Variants in ANTXR2 observed in about 807,000 individuals in gnomAD.
The protein encoded by ANTXR2 is ANTXR cell adhesion molecule 2, also known as anthrax toxin receptor 2.
A neutral mutation model predicts 73.7 loss-of-function variants in ANTXR2; 44 were observed. The ratio of observed to expected loss-of-function variants is 0.60; its 90% CI spans 0.47 to 0.77. The LOEUF is 0.77. ANTXR2 is among the 30% of genes least tolerant of loss of function. The pLI, the probability that ANTXR2 is intolerant of heterozygous loss-of-function variation, is 0.00. For synonymous variants in ANTXR2, 217 were observed against 205.9 expected (o/e 1.05, Z -0.46); for missense variants, 604 against 592.5 (o/e 1.02, Z -0.20).
chr4:79,985,030 G>GT (rs1481685957), intron 12 of ANTXR2, among the ~76,000 whole-genome samples, 167 bp from the exon 13 acceptor site: 1 of 152,048 alleles, frequency 6.6e-6, no homozygotes, highest in Non-Finnish European at 1.5e-5. Context: ...TGGATTGCCT[G>GT]TAACTAGCTT....
At chr4:80,067,542 T>A (rs910540296) in intron 3 of ANTXR2, among the ~76,000 whole-genome samples, 2 of 152,200 alleles carry the variant, frequency 1.3e-5, no homozygotes, top group African/African-American at 2.4e-5. Context: ...TTTTTCTGGA[T>A]TGGCTAGATA....
chr4:79,948,122 G>A (rs1017274945), intron 16 of ANTXR2, among the ~76,000 whole-genome samples: 1 of 152,060 alleles, frequency 6.6e-6, no homozygotes, highest in African/African-American at 2.4e-5. Flanking sequence ...GAGTACATTA[G>A]GACTGAGTGC....
intron 16 of ANTXR2, 175 bp downstream of exon 16, chr4:79,977,446 C>A: frequency 7.8e-7 from 1 of 1,274,260 alleles, no homozygotes; most frequent in Non-Finnish European, 1.0e-6. Context: ...TTTGAAGATG[C>A]ATTCTAACAA....
chr4:79,974,331 GA>G (rs1279335317), intron 16 of ANTXR2, among the ~76,000 whole-genome samples: 1 of 152,008 alleles, frequency 6.6e-6, no homozygotes, highest in African/African-American at 2.4e-5. Context: ...TGTATCTGAT[GA>G]AAAAAACAAA....
chr4:79,926,429 C>G (rs1310594988), intron 16 of ANTXR2, among the ~76,000 whole-genome samples: 1 of 152,148 alleles, frequency 6.6e-6, no homozygotes, highest in East Asian at 1.9e-4. Flanking sequence ...GTTGTGTTAG[C>G]TTACATGGGT....
chr4:80,050,971 T>C (rs192941760), intron 7 of ANTXR2, among the ~76,000 whole-genome samples: 23 of 151,722 alleles, frequency 1.5e-4, no homozygotes. Flanking sequence ...TACCCGTCAA[T>C]GTTTATCCCC....
chr4:79,983,288 T>C (rs911835223), intron 14 of ANTXR2, among the ~76,000 whole-genome samples: 2 of 152,124 alleles, frequency 1.3e-5, no homozygotes, highest in African/African-American at 4.8e-5. Flanking sequence ...TTCATGGTGA[T>C]AATAAAATCT....
In ANTXR2 at chr4:79,903,967, C is replaced by T. The variant is rs999308557; in HGVS notation, c.*3462G>A. On this transcript the variant is annotated 3_prime_UTR_variant, in exon 17 of 17. Transcript: ENST00000403729. ...AAAGCTAACCAATATACAATATATG[C>T]ATGGAGTAGGAAGTTATAATTCCTT... is the stretch of plus-strand genomic sequence containing the variant. 3 of 152,110 alleles carry T rather than the reference C, an allele frequency of 2.0e-5. No homozygotes were observed. The highest frequency in any genetic ancestry group is 4.4e-5 in the Non-Finnish European group (3 of 67,994). The allele number at this position is 152,110 out of a possible 1,614,324, so 9.4% of individuals were successfully genotyped here. A position where few individuals can be genotyped will look rare whatever the true frequency, so the allele number is the denominator to read the frequency against.
rs10027070 is a variant in ANTXR2 at position 79,907,514 on chromosome 4, A to T, written c.1429-47T>A. The T allele has an allele frequency of 0.41, 650,829 of 1,573,284 alleles. 141,659 individuals are homozygous for T. Among genetic ancestry groups the T allele is most frequent in the Non-Finnish European group, 0.45 (515,445 of 1,144,908 alleles). On this transcript the variant is annotated intron_variant, in intron 16 of 16. Transcript: ENST00000403729. ...TATTGAAATATTGAAGCCATTATTT[A>T]AAAAAGCATGAGAACATCTAGTTTT...
Position 79,998,743 on chromosome 4 carries a change from A to G in ANTXR2, c.1041+9778T>C, listed in dbSNP as rs540169519. 2.0e-5 allele frequency among the ~76,000 whole-genome samples: 3 copies of G among 152,142 alleles called. No homozygotes were observed. The East Asian group carries it at 5.8e-4, about 29-fold the overall frequency. ...AGGATGGATATGAGGAAGGATACTCAATGAACAGGATACAGACTCTTAAAC... is the reference window on the plus strand; with the variant it reads ...AGGATGGATATGAGGAAGGATACTCGATGAACAGGATACAGACTCTTAAAC... On this transcript the variant is annotated intron_variant, in intron 12 of 16. Coordinates refer to ENST00000403729, the MANE Select transcript of ANTXR2 (RefSeq NM_058172.6).
chr4:80,040,782 A>G (rs953160549), intron 7 of ANTXR2, among the ~76,000 whole-genome samples: 1 of 151,420 alleles, frequency 6.6e-6, no homozygotes, highest in Admixed American at 6.6e-5. Flanking sequence ...ACACACACAC[A>G]TATTGGCAAA....
At chr4:80,060,890 T>C (rs117040247) in intron 3 of ANTXR2, among the ~76,000 whole-genome samples, 2 of 152,268 alleles carry the variant, frequency 1.3e-5, no homozygotes, top group East Asian at 1.9e-4. Flanking sequence ...GCACTGTGCA[T>C]TGAATGAGCA....
At chr4:80,058,671 T>G (rs950534094) in intron 3 of ANTXR2, among the ~76,000 whole-genome samples, 5 of 102,492 alleles carry the variant, frequency 4.9e-5, no homozygotes, top group Non-Finnish European at 1.1e-4. Flanking sequence ...TCATCCCCAC[T>G]GTAATGTTAA....
intron 16 of ANTXR2, among the ~76,000 whole-genome samples, chr4:79,975,121 C>T (rs1194848139): frequency 6.6e-6 from 1 of 152,194 alleles, no homozygotes; most frequent in African/African-American, 2.4e-5. Context: ...CGAATCACTG[C>T]CTCAGTGACT....
chr4:79,952,267 T>C (rs1038286463), intron 16 of ANTXR2, among the ~76,000 whole-genome samples: 10 of 151,466 alleles, frequency 6.6e-5, no homozygotes, highest in Non-Finnish European at 1.5e-4. Flanking sequence ...CAACTGGTTT[T>C]ATCTTCTGTT....
At chr4:80,060,661 T>C (rs953384790) in intron 3 of ANTXR2, among the ~76,000 whole-genome samples, 4 of 152,204 alleles carry the variant, frequency 2.6e-5, no homozygotes, top group Non-Finnish European at 5.9e-5. Flanking sequence ...TGTCCTATTT[T>C]GTTATTAGTT....
intron 9 of ANTXR2, among the ~76,000 whole-genome samples, chr4:80,032,195 C>T (rs1461000316): frequency 6.6e-6 from 1 of 151,730 alleles, no homozygotes; most frequent in Non-Finnish European, 1.5e-5. Flanking sequence ...ATGATTTAGA[C>T]TAAAATATGC....
chr4:80,073,335 G>C (rs1734919015), upstream of ANTXR2: 2 of 152,328 alleles, frequency 1.3e-5, no homozygotes, highest in Admixed American at 1.3e-4. Context: ...ACGCTTGCCA[G>C]ATTTGGGAAA....
Position 79,983,729 on chromosome 4 carries a change from A to G in ANTXR2, c.1179+149T>C, listed in dbSNP as rs529606256. ...TGCAGCGGCTAGGATGATTCCATAGAAAAAAAAATGTATCCAGAAAAGACC... is the reference window on the plus strand; with the variant it reads ...TGCAGCGGCTAGGATGATTCCATAGGAAAAAAAATGTATCCAGAAAAGACC... On this transcript the variant is annotated intron_variant, in intron 14 of 16. Coordinates refer to ENST00000403729, the MANE Select transcript of ANTXR2 (RefSeq NM_058172.6). The G allele has an allele frequency of 1.7e-5, 11 of 645,616 alleles. No homozygotes were observed. In the African/African-American group the frequency reaches 1.9e-4, roughly 11 times the overall value. The allele number at this position is 645,616 out of a possible 1,614,324, so 40.0% of individuals were successfully genotyped here.
Sources: gnomAD v4.1 joint callset for allele counts (sites outside exome capture counted in the v4.1 genomes callset) on GRCh38, gnomAD v4.1.1 for gene constraint, MANE v1.5 for transcripts, NCBI Gene and HGNC (gene_info 2026-07-23, HGNC 2026-07-21) for gene names.